The following DDX55 variants were observed in gnomAD, a reference collection of about 807,000 sequenced individuals.
DDX55 encodes ATP-dependent RNA helicase DDX55.
DDX55 carries 56 observed loss-of-function variants against 69.2 expected under a neutral mutation model. That is an observed-to-expected ratio of 0.81 (90% CI 0.65 to 1.01). The LOEUF (loss-of-function observed/expected upper bound fraction) is 1.01, where lower values mean the gene tolerates loss of function less well. Ranked by LOEUF, DDX55 falls within the 50% of genes least tolerant of loss-of-function variation. DDX55 has a pLI of 0.00. For synonymous variants in DDX55, 268 were observed against 273.1 expected (o/e 0.98, Z 0.18); for missense variants, 720 against 745.1 (o/e 0.97, Z 0.39).
At chr12:123,615,381 C>T in intron 9 of DDX55, 65 bp downstream of exon 9, 1 of 1,586,022 alleles carries the variant, frequency 6.3e-7, no homozygotes, top group East Asian at 2.3e-5. Flanking sequence ...CCCCAAATGC[C>T]CCATTCTCTA....
At chr12:123,615,425 T>G (rs1314808414) in intron 9 of DDX55, 109 bp downstream of exon 9, 1 of 1,455,208 alleles carries the variant, frequency 6.9e-7, no homozygotes, top group Non-Finnish European at 9.3e-7. Flanking sequence ...TTGTCTTTCC[T>G]GCCTGGAACC....
chr12:123,609,613 T>G (rs1954091786), intron 6 of DDX55, among the ~76,000 whole-genome samples: 1 of 152,004 alleles, frequency 6.6e-6, no homozygotes, highest in African/African-American at 2.4e-5. Context: ...GCTCAAGAGA[T>G]CTTCCCATCC....
chr12:123,603,529 C>G, intron 1 of DDX55, among the ~76,000 whole-genome samples: 1 of 150,850 alleles, frequency 6.6e-6, no homozygotes, highest in East Asian at 2.0e-4. Context: ...TAGCTGAGAT[C>G]ACAGGTGCCT....
At position 123,619,974 on chromosome 12, in the gene DDX55, T is replaced by C. The variant is rs768839302; in HGVS notation, c.1637T>C (p.Ile546Thr). 30 of 1,612,882 alleles carry C rather than the reference T, an allele frequency of 1.9e-5. No individual in the cohort carries two copies. The highest frequency in any genetic ancestry group is 1.7e-4 in the Admixed American group (10 of 59,678). The change falls in exon 14 of 14, where the codon ATT becomes ACT. Residue 546 changes from isoleucine to threonine, a missense_variant. Ile to Thr is a moderately conservative substitution (Grantham distance 89). Coordinates refer to ENST00000238146, the MANE Select transcript of DDX55 (RefSeq NM_020936.3). Reference sequence around the variant, plus strand: ...TTCTTCTGCACTTAGGGTTCTGATATTGAAGATGAGGACATGGAAGAACTT... The same window carrying C: ...TTCTTCTGCACTTAGGGTTCTGATACTGAAGATGAGGACATGGAAGAACTT... ...EKRKREEGSD[I>T]EDEDMEELLN... is the part of the protein sequence containing the mutation.
At position 123,610,020 on chromosome 12, in the gene DDX55, C is replaced by A; in HGVS notation, c.633C>A (p.Asn211Lys). 6.2e-7 allele frequency: 1 copy of A among 1,614,148 alleles called. No individual in the cohort carries two copies. The highest frequency in any genetic ancestry group is 8.5e-7 in the Non-Finnish European group (1 of 1,180,036). Reference sequence around the variant, plus strand: ...CCACTCAGACGCAGGAAGTGGAGAACCTGGTGAGAGCGGGCCTCCGGAACC... The same window carrying A: ...CCACTCAGACGCAGGAAGTGGAGAAACTGGTGAGAGCGGGCCTCCGGAACC... ...FSATQTQEVE[N>K]LVRAGLRNPV... The change falls in exon 7 of 14, where the codon AAC becomes AAA. Residue 211 changes from asparagine to lysine, a missense_variant. Coordinates refer to ENST00000238146, the MANE Select transcript of DDX55 (RefSeq NM_020936.3).
intron 11 of DDX55, chr12:123,618,352 G>A: frequency 1.6e-6 from 1 of 643,462 alleles, no homozygotes; most frequent in Non-Finnish European, 2.8e-6. Context: ...CCTCGGTCAT[G>A]GAGTGACCAA....
In DDX55 at chr12:123,619,989, T is replaced by C. The variant is rs1181432017; in HGVS notation, c.1652T>C (p.Met551Thr). The C allele has an allele frequency of 6.2e-7, 1 of 1,613,950 alleles. No individual in the cohort carries two copies. Among genetic ancestry groups the C allele is most frequent in the East Asian group, 2.2e-5 (1 of 44,878 alleles). The change falls in exon 14 of 14, where the codon ATG becomes ACG. Residue 551 changes from methionine to threonine, a missense_variant. Physicochemically the swap from Met to Thr is moderately conservative, Grantham distance 81. Coordinates refer to ENST00000238146, the MANE Select transcript of DDX55 (RefSeq NM_020936.3). ...EEGSDIEDEDMEELLNDTRLL... is the reference protein window; with the variant it reads ...EEGSDIEDEDTEELLNDTRLL... ...GGTTCTGATATTGAAGATGAGGACA[T>C]GGAAGAACTTCTTAATGACACAAGA...
chr12:123,616,392 A>G, intron 9 of DDX55, 119 bp from the exon 10 acceptor site: 1 of 829,028 alleles, frequency 1.2e-6, no homozygotes, highest in South Asian at 1.6e-5. Flanking sequence ...TACCTTAAAC[A>G]TTTGCTTCTG....
intron 11 of DDX55, 155 bp from the exon 12 acceptor site, chr12:123,618,514 C>G (rs1275345845): frequency 3.9e-6 from 6 of 1,529,330 alleles, no homozygotes; most frequent in Admixed American, 2.0e-5. Context: ...ACATACTTTA[C>G]AGAGCATGTG....
At chr12:123,618,404 G>T (rs770255633) in intron 11 of DDX55, 1 of 950,702 alleles carries the variant, frequency 1.1e-6, no homozygotes, top group South Asian at 1.3e-5. Flanking sequence ...CCCAGGCAAG[G>T]GTTACTTCTT....
rs1566211193 is a variant in DDX55 at position 123,620,608 on chromosome 12, A to ATG, written c.*469_*470insGT. On this transcript the variant is annotated 3_prime_UTR_variant, in exon 14 of 14. Coordinates refer to ENST00000238146, the MANE Select transcript of DDX55 (RefSeq NM_020936.3). The stretch of plus-strand genomic sequence containing the variant: ...TATATATATATATATATATATATAT[A>ATG]TATATATATATATATATATAAGCTC... 3.9e-5 allele frequency: 3 copies of ATG among 76,584 alleles called. No individual in the cohort carries two copies. Among genetic ancestry groups the ATG allele is most frequent in the Non-Finnish European group, 9.7e-5 (3 of 30,934 alleles). The allele number at this position is 76,584 out of a possible 1,614,324, so 4.7% of individuals were successfully genotyped here. A position where few individuals can be genotyped will look rare whatever the true frequency, so the allele number is the denominator to read the frequency against.
At chr12:123,618,424 G>C (rs1954866095) in intron 11 of DDX55, 1 of 1,126,150 alleles carries the variant, frequency 8.9e-7, no homozygotes, top group African/African-American at 1.5e-5. Flanking sequence ...TGTGAATAGA[G>C]ACCCAGTGTT....
chr12:123,604,391 T>A (rs1953761679), intron 1 of DDX55, among the ~76,000 whole-genome samples: 1 of 152,116 alleles, frequency 6.6e-6, no homozygotes, highest in South Asian at 2.1e-4. Context: ...AAAATTTTTT[T>A]TAAATAAATG....
Position 123,616,552 on chromosome 12 carries a change from A to G in DDX55, c.998A>G (p.Asp333Gly), listed in dbSNP as rs1305204027. Residue 333 changes from aspartate (D) to glycine (G), a missense_variant, in exon 10 of 14, where the codon GAT (aspartate) becomes GGT (glycine). Physicochemically the swap from Asp to Gly is moderately conservative, Grantham distance 94. Transcript: ENST00000238146. The part of the protein sequence containing the change: ...VCTDVMARGI[D>G]IPEVNWVLQY... ...ACTGATGTGATGGCCCGGGGAATTG[A>G]TATTCCTGAAGTCAACTGGGTTTTG... is the stretch of plus-strand genomic sequence containing the variant. 1.9e-6 allele frequency: 3 copies of G among 1,613,996 alleles called. No individual in the cohort carries two copies. The highest frequency in any genetic ancestry group is 1.3e-5 in the African/African-American group (1 of 74,916).
chr12:123,602,386 T>A, intron 1 of DDX55, 130 bp downstream of exon 1: 3 of 872,950 alleles, frequency 3.4e-6, no homozygotes, highest in Non-Finnish European at 5.0e-6. Flanking sequence ...GCTCTTGCCT[T>A]GTCTCCAGCT....
rs542278561 is a variant in DDX55 at position 123,619,920 on chromosome 12, A to G, written c.1627-44A>G. 38 of 1,582,892 alleles carry G rather than the reference A, an allele frequency of 2.4e-5. No homozygotes were observed. In the African/African-American group the frequency reaches 4.2e-4, roughly 18 times the overall value. On this transcript the variant is annotated intron_variant, in intron 13 of 13. Coordinates refer to ENST00000238146, the MANE Select transcript of DDX55 (RefSeq NM_020936.3). ...AAACTGCTGGTTTCACTACAACACTATTGCTGAAAAATTTAGTAGTTTATT... is the reference window on the plus strand; with the variant it reads ...AAACTGCTGGTTTCACTACAACACTGTTGCTGAAAAATTTAGTAGTTTATT...
At chr12:123,611,394 C>T (rs1954231105) in intron 7 of DDX55, among the ~76,000 whole-genome samples, 3 of 152,202 alleles carry the variant, frequency 2.0e-5, no homozygotes, top group Non-Finnish European at 4.4e-5. Flanking sequence ...GAGGCAGCAC[C>T]ATCAGGGCGA....
intron 6 of DDX55, among the ~76,000 whole-genome samples, chr12:123,609,458 T>C (rs1566186904): frequency 6.6e-6 from 1 of 150,760 alleles, no homozygotes; most frequent in African/African-American, 2.5e-5. Context: ...CATTGCGACC[T>C]TTACTTCCTG....
chr12:123,606,828 G>A lies in DDX55; in HGVS notation c.247-604G>A, dbSNP rs149887934. Among the ~76,000 whole-genome samples, 775 of 152,040 alleles carry A rather than the reference G, an allele frequency of 5.1e-3. 6 individuals are homozygous for A. The highest frequency in any genetic ancestry group is 0.018 in the African/African-American group (729 of 41,494). On this transcript the variant is annotated intron_variant, in intron 3 of 13. Coordinates refer to ENST00000238146, the MANE Select transcript of DDX55 (RefSeq NM_020936.3). ...TGGGCTCAAGTGATCCTTCCGCCTCGGCCTCCCAAAGTGCTGGGATTACAG... is the reference window on the plus strand; with the variant it reads ...TGGGCTCAAGTGATCCTTCCGCCTCAGCCTCCCAAAGTGCTGGGATTACAG...
Sources: allele counts gnomAD v4.1 joint callset (sites outside exome capture counted in the v4.1 genomes callset), GRCh38; gene constraint gnomAD v4.1.1; transcripts MANE v1.5; gene names NCBI Gene and HGNC (gene_info 2026-07-23, HGNC 2026-07-21).